RASEF: variants seen among roughly 807,000 people sequenced by gnomAD.
RASEF encodes RAS and EF-hand domain containing, also known as ras and EF-hand domain-containing protein.
RASEF carries 68 observed loss-of-function variants against 90.1 expected under a neutral mutation model. That is an observed-to-expected ratio of 0.75 (90% CI 0.62 to 0.92). The LOEUF (loss-of-function observed/expected upper bound fraction) is 0.92. Among genes scored for constraint, RASEF ranks in the 40% least tolerant of loss-of-function variants. The pLI, the probability that RASEF is intolerant of heterozygous loss-of-function variation, is 0.00. For missense variants in RASEF, 949 were observed against 937.2 expected, an observed-to-expected ratio of 1.01 and a Z score of -0.16; for synonymous variants, 331 against 345.2, an observed-to-expected ratio of 0.96 and a Z score of 0.46.
At position 83,008,891 on chromosome 9, in the gene RASEF, CATATATATATATATATATATATA is replaced by C. The variant is rs1157798712; in HGVS notation, c.959+727_959+749del. ...TCCCAACTAAATTTGAAGTTCTCAT[CATATATATATATATATATATATA>C]TATATATATATATATATATATGACG... On this transcript the variant is annotated intron_variant, in intron 6 of 16. Transcript: ENST00000376447. Among the ~76,000 whole-genome samples the C allele has an allele frequency of 4.1e-4, 8 of 19,564 alleles. 1 individual carries two copies. The highest frequency in any genetic ancestry group is 7.0e-4 in the Non-Finnish European group (6 of 8,622). 12.8% of individuals were successfully genotyped at this position (19,564 alleles called of 152,430 possible). A position where few individuals can be genotyped will look rare whatever the true frequency, so the allele number is the denominator to read the frequency against.
chr9:83,033,930 A>G (rs963262407), intron 1 of RASEF, among the ~76,000 whole-genome samples: 2 of 152,180 alleles, frequency 1.3e-5, no homozygotes, highest in Non-Finnish European at 2.9e-5. Context: ...ACACTTGTCT[A>G]GTCAGTAAGT....
intron 2 of RASEF, among the ~76,000 whole-genome samples, chr9:83,024,646 G>A (rs1829508653): frequency 6.6e-6 from 1 of 152,146 alleles, no homozygotes; most frequent in African/African-American, 2.4e-5. Flanking sequence ...GGTCAGTCAA[G>A]TACTAAAAAT....
At chr9:83,046,361 C>A (rs534044880) in intron 1 of RASEF, among the ~76,000 whole-genome samples, 1 of 152,044 alleles carries the variant, frequency 6.6e-6, no homozygotes, top group African/African-American at 2.4e-5. Flanking sequence ...GTATAGATAT[C>A]GAGTTGTCTG....
chr9:83,026,315 G>A (rs919091795), intron 1 of RASEF, among the ~76,000 whole-genome samples: 1 of 152,172 alleles, frequency 6.6e-6, no homozygotes, highest in African/African-American at 2.4e-5. Context: ...AACAGTGGGT[G>A]TATTAGTCCA....
At chr9:83,018,385 T>C (rs1190132239) in intron 3 of RASEF, among the ~76,000 whole-genome samples, 2 of 152,144 alleles carry the variant, frequency 1.3e-5, no homozygotes, top group African/African-American at 4.8e-5. Flanking sequence ...CATCAAACTA[T>C]GACATACTGA....
chr9:83,098,371 G>C, the RASEF span, among the ~76,000 whole-genome samples: 3 of 152,000 alleles, frequency 2.0e-5, no homozygotes, highest in African/African-American at 7.2e-5. Flanking sequence ...TATAAACATA[G>C]GAAAAATCAA....
At chr9:82,983,352 C>T (rs1413301949) in intron 16 of RASEF, among the ~76,000 whole-genome samples, 1 of 152,142 alleles carries the variant, frequency 6.6e-6, no homozygotes, top group Non-Finnish European at 1.5e-5. Flanking sequence ...TACCACCATC[C>T]CTTTCTGTCA....
the RASEF span, among the ~76,000 whole-genome samples, chr9:83,205,141 G>T: frequency 3.9e-5 from 6 of 152,196 alleles, no homozygotes; most frequent in Admixed American, 3.9e-4. Context: ...GAAATCTTTG[G>T]AGGAGTTTGC....
intron 12 of RASEF, among the ~76,000 whole-genome samples, chr9:82,999,575 T>C (rs1352816579): frequency 6.6e-6 from 1 of 151,968 alleles, no homozygotes; most frequent in East Asian, 1.9e-4. Flanking sequence ...TAAATTTGAT[T>C]CAATTCATCT....
At chr9:83,122,032 C>T in the RASEF span, among the ~76,000 whole-genome samples, 1 of 152,176 alleles carries the variant, frequency 6.6e-6, no homozygotes, top group South Asian at 2.1e-4. Context: ...TAGGAAGTGC[C>T]ATGTACATAA....
chr9:83,149,263 G>C, the RASEF span, among the ~76,000 whole-genome samples: 1 of 152,204 alleles, frequency 6.6e-6, no homozygotes, highest in Admixed American at 6.5e-5. Flanking sequence ...CTGTCCTCAG[G>C]CTACTTAGAA....
At chr9:83,021,746 G>C (rs1477691405) in intron 3 of RASEF, among the ~76,000 whole-genome samples, 2 of 152,124 alleles carry the variant, frequency 1.3e-5, no homozygotes, top group Non-Finnish European at 2.9e-5. Flanking sequence ...GTATACTAGA[G>C]GATATACATA....
chr9:83,149,306 G>A, the RASEF span, among the ~76,000 whole-genome samples: 2 of 152,174 alleles, frequency 1.3e-5, no homozygotes, highest in African/African-American at 4.8e-5. Context: ...CAATCAAATG[G>A]TCCCATGTTT....
At chr9:82,986,602 T>C (rs111610102) in intron 16 of RASEF, among the ~76,000 whole-genome samples, 568 of 152,302 alleles carry the variant, frequency 3.7e-3, no homozygotes, top group Non-Finnish European at 6.6e-3. Context: ...ATTCCAAACA[T>C]CTAAAACAGA....
chr9:83,073,060 G>A, the RASEF span, among the ~76,000 whole-genome samples: 2 of 152,140 alleles, frequency 1.3e-5, no homozygotes, highest in African/African-American at 4.8e-5. Context: ...TCAAATTTGT[G>A]GCACGTTTCT....
chr9:82,988,603 C>G (rs528306385), intron 16 of RASEF, among the ~76,000 whole-genome samples: 3 of 152,180 alleles, frequency 2.0e-5, no homozygotes, highest in African/African-American at 7.2e-5. Flanking sequence ...TAGCTCCATC[C>G]CTTGGTGATG....
At chr9:83,058,399 G>A (rs1440361010) in intron 1 of RASEF, among the ~76,000 whole-genome samples, 2 of 147,892 alleles carry the variant, frequency 1.4e-5, no homozygotes, top group African/African-American at 5.3e-5. Flanking sequence ...AGCCAGGATG[G>A]TCTCCATCTC....
the RASEF span, among the ~76,000 whole-genome samples, chr9:83,131,257 G>A: frequency 6.6e-6 from 1 of 152,174 alleles, no homozygotes; most frequent in Admixed American, 6.5e-5. Flanking sequence ...ATTGTACATG[G>A]CATTACATAA....
At chr9:83,164,348 T>A in the RASEF span, among the ~76,000 whole-genome samples, 1 of 28,220 alleles carries the variant, frequency 3.5e-5, no homozygotes, top group African/African-American at 7.4e-5. Flanking sequence ...TATATGTGTG[T>A]ATATATATAT....
Sources: gnomAD v4.1 joint callset for allele counts (sites outside exome capture counted in the v4.1 genomes callset) on GRCh38, gnomAD v4.1.1 for gene constraint, MANE v1.5 for transcripts, NCBI Gene and HGNC (gene_info 2026-07-23, HGNC 2026-07-21) for gene names.